The following LDLRAD4 variants were observed in gnomAD, a reference collection of about 807,000 sequenced individuals.
The protein encoded by LDLRAD4 is low density lipoprotein receptor class A domain containing 4.
A neutral mutation model predicts 17.0 loss-of-function variants in LDLRAD4; 5 were observed. That is an observed-to-expected ratio of 0.29 (90% CI 0.15 to 0.62). The LOEUF (loss-of-function observed/expected upper bound fraction) is 0.62, where lower values mean the gene tolerates loss of function less well. Among genes scored for constraint, LDLRAD4 ranks in the 20% least tolerant of loss-of-function variants. The pLI, the probability that LDLRAD4 is intolerant of heterozygous loss-of-function variation, is 0.84. For missense variants in LDLRAD4, 340 were observed against 424.7 expected (o/e 0.80, Z 1.75); for synonymous variants, 168 against 171.8 (o/e 0.98, Z 0.17).
At chr18:13,390,545 T>C (rs1289106433) in intron 2 of LDLRAD4, among the ~76,000 whole-genome samples, 3 of 151,988 alleles carry the variant, frequency 2.0e-5, no homozygotes, top group Non-Finnish European at 4.4e-5. Context: ...ACTCTCATCC[T>C]CACAAGATCC....
intron 1 of LDLRAD4, among the ~76,000 whole-genome samples, chr18:13,328,081 A>G (rs533380722): frequency 6.6e-6 from 1 of 152,176 alleles, no homozygotes; most frequent in African/African-American, 2.4e-5. Flanking sequence ...CATTTCAGCA[A>G]CGGCCTGATG....
intron 3 of LDLRAD4, among the ~76,000 whole-genome samples, chr18:13,558,138 G>C (rs988232654): frequency 1.3e-5 from 2 of 152,194 alleles, no homozygotes. Context: ...CACAACTTGT[G>C]TGTTTATCCA....
At chr18:13,286,875 G>C (rs2045653904) in intron 1 of LDLRAD4, among the ~76,000 whole-genome samples, 1 of 152,166 alleles carries the variant, frequency 6.6e-6, no homozygotes, top group South Asian at 2.1e-4. Flanking sequence ...CGATTGTGTT[G>C]GTAGCTGGAA....
rs181918452 is a variant in LDLRAD4, at chr18:13,273,087, G to T, written c.-466-5018G>T. Among the ~76,000 whole-genome samples the T allele has an allele frequency of 5.9e-5, 9 of 152,330 alleles. No individual in the cohort carries two copies. In the East Asian group the frequency reaches 1.7e-3, roughly 29 times the overall value. On this transcript the variant is annotated intron_variant, in intron 1 of 5. Coordinates refer to the LDLRAD4 transcript ENST00000399848. Reference sequence around the variant, plus strand: ...CACGTGCATTTTATGATGTGACACTGTCCCTGATGCAAAAATCAGGTGGGT... The same window carrying T: ...CACGTGCATTTTATGATGTGACACTTTCCCTGATGCAAAAATCAGGTGGGT...
At position 13,625,034 on chromosome 18, in the gene LDLRAD4, G is replaced by T. The variant is rs188497006; in HGVS notation, c.336+3763G>T. ...AGCACCCGAGGCCCTGGGAGTCCAG[G>T]CCCTGGCGGCGGCTCAGCACCCTCC... On this transcript the variant is annotated intron_variant, in intron 4 of 5. Coordinates refer to ENST00000359446, the Ensembl canonical transcript of LDLRAD4. Among the ~76,000 whole-genome samples, 605 of 152,238 alleles carry T rather than the reference G, an allele frequency of 4.0e-3. 6 individuals are homozygous for T. The highest frequency in any genetic ancestry group is 0.024 in the Middle Eastern group (7 of 294).
rs114914343 is a variant in LDLRAD4, at chr18:13,251,593, A to G, written c.-466-26512A>G. On this transcript the variant is annotated intron_variant, in intron 1 of 5. Transcript: ENST00000399848. ...ATAGACAAACAACTAGGTGAAAAAG[A>G]AATCAAGATGACAATTCCATTTGCA... 6.9e-3 allele frequency among the ~76,000 whole-genome samples: 1,046 copies of G among 152,366 alleles called. 11 individuals carry two copies. The highest frequency in any genetic ancestry group is 0.024 in the African/African-American group (997 of 41,588).
intron 3 of LDLRAD4, among the ~76,000 whole-genome samples, chr18:13,557,046 A>G (rs1471235814): frequency 1.3e-5 from 2 of 152,162 alleles, no homozygotes; most frequent in African/African-American, 2.4e-5. Flanking sequence ...TGTAATCCCA[A>G]CACTTTGGGA....
chr18:13,439,510 A>G (rs2090888432), intron 3 of LDLRAD4, among the ~76,000 whole-genome samples: 1 of 152,188 alleles, frequency 6.6e-6, no homozygotes, highest in South Asian at 2.1e-4. Context: ...TCCCATCTCT[A>G]TACTTTGCAA....
At chr18:13,389,961 T>C (rs2086139603) in intron 2 of LDLRAD4, among the ~76,000 whole-genome samples, 1 of 152,030 alleles carries the variant, frequency 6.6e-6, no homozygotes, top group South Asian at 2.1e-4. Flanking sequence ...AGTCACCCAC[T>C]TGTAGCTCCT....
At chr18:13,359,595 A>C (rs529524620) in intron 1 of LDLRAD4, among the ~76,000 whole-genome samples, 4 of 152,052 alleles carry the variant, frequency 2.6e-5, no homozygotes, top group South Asian at 2.1e-4. Context: ...TAAGGAAGGG[A>C]TTTAATTTTT....
chr18:13,602,724 A>T (rs921540494), intron 3 of LDLRAD4, among the ~76,000 whole-genome samples: 1 of 152,102 alleles, frequency 6.6e-6, no homozygotes, highest in Non-Finnish European at 1.5e-5. Context: ...TTAAGATTAC[A>T]GGTGTGAGCC....
intron 2 of LDLRAD4, among the ~76,000 whole-genome samples, chr18:13,429,278 G>A (rs1010099736): frequency 1.1e-4 from 16 of 152,282 alleles, no homozygotes; most frequent in African/African-American, 3.1e-4. Context: ...AGCCTGATTC[G>A]GATTTGTTTA....
chr18:13,526,347 G>A (rs1164753589), intron 3 of LDLRAD4: 1 of 152,088 alleles, frequency 6.6e-6, no homozygotes, highest in Admixed American at 6.5e-5. Context: ...TTATAATATT[G>A]GAAAACATAT....
chr18:13,645,565 A>C lies in LDLRAD4; in HGVS notation c.829A>C (p.Arg277=). The C allele has an allele frequency of 2.5e-6, 4 of 1,606,212 alleles. No homozygotes were observed. The highest frequency in any genetic ancestry group is 3.4e-6 in the Non-Finnish European group (4 of 1,176,456). ...CCATCACCAGCGCAGCAACGCACAC[A>C]GGGGCAGCAGACTGCAGTTTCAGCA... Residue 277 remains arginine (R), a synonymous_variant, in exon 6 of 6, where the codon AGG becomes CGG. Transcript: ENST00000359446. This position sits in a 1 kb window ranked among gnomAD's most constrained non-coding sequence, Gnocchi z 5.7.
chr18:13,630,961 T>C (rs1457437324), intron 4 of LDLRAD4, among the ~76,000 whole-genome samples: 2 of 152,348 alleles, frequency 1.3e-5, no homozygotes, highest in East Asian at 1.9e-4. Context: ...CCTGGTTGTT[T>C]CCAGTCCCCA....
At chr18:13,432,705 A>G (rs2090422493) in intron 2 of LDLRAD4, among the ~76,000 whole-genome samples, 1 of 151,980 alleles carries the variant, frequency 6.6e-6, no homozygotes, top group African/African-American at 2.4e-5. Context: ...TTCCATCTTC[A>G]CTGAATTTTA....
At chr18:13,337,004 GT>G (rs1163433661) in intron 1 of LDLRAD4, among the ~76,000 whole-genome samples, 1 of 152,020 alleles carries the variant, frequency 6.6e-6, no homozygotes, top group Admixed American at 6.6e-5. Context: ...AGTGAGCTGG[GT>G]TTTCCAAGAC....
chr18:13,545,170 G>T (rs907407389), intron 3 of LDLRAD4, among the ~76,000 whole-genome samples: 1 of 152,048 alleles, frequency 6.6e-6, no homozygotes, highest in Non-Finnish European at 1.5e-5. Context: ...CTGGGATGCT[G>T]CTGATGGAGT....
At chr18:13,546,588 G>T (rs964123933) in intron 3 of LDLRAD4, among the ~76,000 whole-genome samples, 22 of 149,364 alleles carry the variant, frequency 1.5e-4, no homozygotes, top group African/African-American at 2.2e-4. Flanking sequence ...AGCCTGGGTG[G>T]TTTTTTTTTT....
Sources: gnomAD v4.1 joint callset for allele counts (sites outside exome capture counted in the v4.1 genomes callset) on GRCh38, gnomAD v4.1.1 for gene constraint, Gnocchi (gnomAD v3.1) non-coding constraint, MANE v1.5 for transcripts, NCBI Gene and HGNC (gene_info 2026-07-23, HGNC 2026-07-21) for gene names.